FER1L6: variants seen among roughly 807,000 people sequenced by gnomAD.
FER1L6 encodes the protein fer-1-like protein 6.
A neutral mutation model predicts 219.2 loss-of-function variants in FER1L6; 177 were observed. The ratio of observed to expected loss-of-function variants is 0.81; its 90% CI spans 0.71 to 0.91. The LOEUF is 0.91. FER1L6 is among the 40% of genes least tolerant of loss of function. The pLI is 0.00. For missense variants in FER1L6, 2,153 were observed against 2,259.9 expected, an observed-to-expected ratio of 0.95 and a Z score of 0.96; for synonymous variants, 768 against 824.3, an observed-to-expected ratio of 0.93 and a Z score of 1.17.
intron 1 of FER1L6, among the ~76,000 whole-genome samples, chr8:123,875,392 C>T (rs1291640856): frequency 6.6e-6 from 1 of 152,152 alleles, no homozygotes; most frequent in East Asian, 1.9e-4. Context: ...CCTTTGATCT[C>T]AGCACCACTT....
intron 1 of FER1L6, among the ~76,000 whole-genome samples, chr8:123,939,506 GT>G (rs935098259): frequency 2.6e-5 from 4 of 152,152 alleles, no homozygotes; most frequent in African/African-American, 9.7e-5. Flanking sequence ...AGCAAGAAGG[GT>G]CTTTAGGCTT....
intron 22 of FER1L6, among the ~76,000 whole-genome samples, chr8:124,051,791 C>A (rs891568379): frequency 6.6e-6 from 1 of 152,182 alleles, no homozygotes; most frequent in Non-Finnish European, 1.5e-5. Flanking sequence ...CCCAGGTCTA[C>A]AGCCTTGGGG....
intron 2 of FER1L6, among the ~76,000 whole-genome samples, chr8:123,962,871 A>G (rs1815358726): frequency 6.6e-6 from 1 of 152,048 alleles, no homozygotes; most frequent in South Asian, 2.1e-4. Context: ...CAGGTGATCC[A>G]CTTGCCTCAG....
At chr8:123,868,629 T>C (rs1816876039) in intron 1 of FER1L6, among the ~76,000 whole-genome samples, 1 of 152,190 alleles carries the variant, frequency 6.6e-6, no homozygotes, top group African/African-American at 2.4e-5. Context: ...TGCTTCCTTC[T>C]CCAAGCAGCC....
chr8:123,910,089 G>A (rs1813025839), intron 1 of FER1L6, among the ~76,000 whole-genome samples: 1 of 152,184 alleles, frequency 6.6e-6, no homozygotes, highest in African/African-American at 2.4e-5. Flanking sequence ...TCCAAGTAAA[G>A]TGGGCCCATC....
chr8:124,099,357 C>G (rs1822453692), intron 37 of FER1L6, among the ~76,000 whole-genome samples: 1 of 150,500 alleles, frequency 6.6e-6, no homozygotes, highest in Non-Finnish European at 1.5e-5. Flanking sequence ...TGTTTCTTCT[C>G]TACGGTTTCT....
chr8:123,878,500 G>A (rs907302814), intron 1 of FER1L6, among the ~76,000 whole-genome samples: 1 of 152,152 alleles, frequency 6.6e-6, no homozygotes, highest in Non-Finnish European at 1.5e-5. Context: ...TCTGACTTTT[G>A]TCGCTTCTAC....
intron 2 of FER1L6, 59 bp downstream of exon 2, chr8:123,956,133 T>C (rs1815008047): frequency 6.9e-7 from 1 of 1,458,072 alleles, no homozygotes; most frequent in South Asian, 1.2e-5. Context: ...GAGTGACCCC[T>C]CCGTGGCTGA....
At chr8:124,046,934 C>T (rs1460851267) in intron 21 of FER1L6, among the ~76,000 whole-genome samples, 4 of 152,184 alleles carry the variant, frequency 2.6e-5, no homozygotes, top group Non-Finnish European at 5.9e-5. Context: ...CCAAGCCACT[C>T]CCTCCCTCTG....
chr8:124,119,715 C>T lies in FER1L6; in HGVS notation c.5499C>T (p.Ile1833=), dbSNP rs561067878. 3 of 1,613,216 alleles carry T rather than the reference C, an allele frequency of 1.9e-6. No homozygotes were observed. In the South Asian group the frequency reaches 3.3e-5, roughly 18 times the overall value. Residue 1833 remains isoleucine (I), a synonymous_variant, in exon 41 of 41, where the codon ATC becomes ATT. Coordinates refer to ENST00000522917, the MANE Select transcript of FER1L6 (RefSeq NM_001039112.2). ...TCATCATTGCTTTCATTCTCATCAT[C>T]CTCATCATCTTCCTCGTCCTTTTCA... ...KYIIIAFILI[I]LIIFLVLFIY...
At chr8:124,076,011 C>A (rs558187844) in intron 31 of FER1L6, among the ~76,000 whole-genome samples, 187 bp from the exon 32 acceptor site, 1 of 152,326 alleles carries the variant, frequency 6.6e-6, no homozygotes, top group African/African-American at 2.4e-5. Context: ...AGTAGTGGCT[C>A]TTAACCTTGG....
intron 16 of FER1L6, among the ~76,000 whole-genome samples, chr8:124,019,101 G>T (rs1156507551): frequency 6.6e-6 from 1 of 151,982 alleles, no homozygotes; most frequent in East Asian, 1.9e-4. Flanking sequence ...AAAATCACTG[G>T]GTTATCTCAA....
chr8:123,991,966 A>G (rs1341861971), intron 12 of FER1L6, among the ~76,000 whole-genome samples: 2 of 151,912 alleles, frequency 1.3e-5, no homozygotes, highest in African/African-American at 4.8e-5. Flanking sequence ...AGATGATCAT[A>G]TGGTTTTTAA....
At chr8:124,000,344 G>A (rs557004313) in intron 12 of FER1L6, among the ~76,000 whole-genome samples, 1 of 152,276 alleles carries the variant, frequency 6.6e-6, no homozygotes, top group South Asian at 2.1e-4. Flanking sequence ...ACCAGGTACT[G>A]TGATCACTCA....
intron 1 of FER1L6, among the ~76,000 whole-genome samples, chr8:123,923,941 GAA>G (rs60137127): frequency 0.05 from 4,759 of 94,708 alleles, 270 homozygotes; most frequent in African/African-American, 0.16. Flanking sequence ...CTCCAACTAA[GAA>G]AAAAAAAAAA....
chr8:124,026,843 T>G (rs1469986831), intron 18 of FER1L6, among the ~76,000 whole-genome samples: 1 of 152,046 alleles, frequency 6.6e-6, no homozygotes, highest in Non-Finnish European at 1.5e-5. Flanking sequence ...TCACTAGGGC[T>G]ACTGTAACAA....
At chr8:124,055,618 CAG>C (rs1486079125) in intron 22 of FER1L6, among the ~76,000 whole-genome samples, 1 of 152,132 alleles carries the variant, frequency 6.6e-6, no homozygotes, top group African/African-American at 2.4e-5. Context: ...TCTCCTATTA[CAG>C]TTTTCCTCTC....
intron 1 of FER1L6, among the ~76,000 whole-genome samples, chr8:123,894,173 C>G (rs1812702735): frequency 6.6e-6 from 1 of 152,176 alleles, no homozygotes; most frequent in Admixed American, 6.5e-5. Context: ...CAAAATGTAT[C>G]AAAGAACTGA....
At chr8:124,070,336 A>C (rs1378361797) in intron 29 of FER1L6, 131 bp from the exon 30 acceptor site, 8 of 924,246 alleles carry the variant, frequency 8.7e-6, no homozygotes, top group Non-Finnish European at 1.3e-5. Flanking sequence ...ACTGAAGATA[A>C]ATTACCAGTG....
Sources: gnomAD v4.1 joint callset for allele counts (sites outside exome capture counted in the v4.1 genomes callset) on GRCh38, gnomAD v4.1.1 for gene constraint, MANE v1.5 for transcripts, NCBI Gene and HGNC (gene_info 2026-07-23, HGNC 2026-07-21) for gene names.